The following PIEZO2 variants were observed in gnomAD, a reference collection of about 807,000 sequenced individuals.
PIEZO2 encodes piezo-type mechanosensitive ion channel component 2.
PIEZO2 carries 172 observed loss-of-function variants against 337.3 expected under a neutral mutation model. The observed-to-expected ratio is 0.51, with a 90% confidence interval of 0.45 to 0.58. The LOEUF (loss-of-function observed/expected upper bound fraction) is 0.58, where lower values mean the gene tolerates loss of function less well. Ranked by LOEUF, PIEZO2 falls within the 20% of genes least tolerant of loss-of-function variation. PIEZO2 has a pLI of 0.00. For missense variants in PIEZO2, 3,028 were observed against 3,391.3 expected (o/e 0.89, Z 2.66); for synonymous variants, 1,251 against 1,228.5 (o/e 1.02, Z -0.38).
intron 49 of PIEZO2, among the ~76,000 whole-genome samples, 159 bp downstream of exon 49, chr18:10,689,496 A>G (rs897577277): frequency 6.6e-6 from 1 of 152,224 alleles, no homozygotes; most frequent in African/African-American, 2.4e-5. Flanking sequence ...GTAAGTCTAA[A>G]TTCCCAACTC....
chr18:11,045,056 G>T (rs1285571329), intron 2 of PIEZO2, among the ~76,000 whole-genome samples: 3 of 151,890 alleles, frequency 2.0e-5, no homozygotes, highest in Admixed American at 2.0e-4. Context: ...AGCACTTTGG[G>T]AGGCCAAAGT....
rs957025691 is a variant in PIEZO2, at chr18:10,812,304, C to T, written c.918-5030G>A. 7.2e-5 allele frequency among the ~76,000 whole-genome samples: 11 copies of T among 152,212 alleles called. No homozygotes were observed. In the South Asian group the frequency reaches 2.3e-3, roughly 32 times the overall value. On this transcript the variant is annotated intron_variant, in intron 7 of 55. Coordinates refer to ENST00000674853, the MANE Select transcript of PIEZO2 (RefSeq NM_001378183.1). ...TTCATTCCATGCTTTGTTGTTCTCA[C>T]TTGTAAGTGGGAGTTAAACACTGAG...
intron 3 of PIEZO2, among the ~76,000 whole-genome samples, chr18:10,966,674 A>G (rs2034012200): frequency 6.6e-6 from 1 of 151,868 alleles, no homozygotes; most frequent in Non-Finnish European, 1.5e-5. Flanking sequence ...TGGTTACATG[A>G]ATAAGTTCTT....
In PIEZO2 at chr18:10,862,122, A is replaced by T. The variant is rs1598598483; in HGVS notation, c.493-4911T>A. Among the ~76,000 whole-genome samples, 1 of 152,190 alleles carries T rather than the reference A, an allele frequency of 6.6e-6. No homozygotes were observed. The highest frequency in any genetic ancestry group is 1.9e-4 in the East Asian group (1 of 5,202). ...AAATAATAAGTATTTGAGATGATGAATATGCTAATTAGCCTGATTTGCTCA... is the reference window on the plus strand; with the variant it reads ...AAATAATAAGTATTTGAGATGATGATTATGCTAATTAGCCTGATTTGCTCA... On this transcript the variant is annotated intron_variant, in intron 5 of 55. Coordinates refer to ENST00000674853, the MANE Select transcript of PIEZO2 (RefSeq NM_001378183.1). This position sits in a 1 kb window ranked among gnomAD's most constrained non-coding sequence, Gnocchi z 4.4.
chr18:10,690,324 G>C (rs562972036), intron 48 of PIEZO2, among the ~76,000 whole-genome samples: 1 of 152,160 alleles, frequency 6.6e-6, no homozygotes, highest in African/African-American at 2.4e-5. Flanking sequence ...TGGTTCAGTT[G>C]TGTTTCAGAA....
At chr18:10,938,485 T>C (rs1182635771) in intron 3 of PIEZO2, among the ~76,000 whole-genome samples, 1 of 152,220 alleles carries the variant, frequency 6.6e-6, no homozygotes, top group Non-Finnish European at 1.5e-5. Context: ...TCAGTCTCCT[T>C]AAGAGGCCTC....
chr18:10,891,320 TA>T (rs1054665783), intron 4 of PIEZO2, among the ~76,000 whole-genome samples: 3 of 151,174 alleles, frequency 2.0e-5, no homozygotes, highest in Admixed American at 6.6e-5. Flanking sequence ...GAGACTCTGT[TA>T]AAAAAAAATA....
chr18:10,696,587 C>A (rs1218165852), intron 45 of PIEZO2, 48 bp from the exon 46 acceptor site: 2 of 1,603,246 alleles, frequency 1.2e-6, no homozygotes, highest in Admixed American at 1.7e-5. Flanking sequence ...TCAGGAAGGG[C>A]AGGATGGCAG....
chr18:10,715,526 G>A (rs887670993), intron 38 of PIEZO2, 124 bp downstream of exon 38: 3 of 825,404 alleles, frequency 3.6e-6, no homozygotes, highest in African/African-American at 3.5e-5. Flanking sequence ...AAAAGCAAAG[G>A]GGTTATGCCA....
intron 40 of PIEZO2, among the ~76,000 whole-genome samples, chr18:10,706,426 T>G (rs941260456): frequency 4.6e-5 from 7 of 152,180 alleles, no homozygotes; most frequent in Non-Finnish European, 8.8e-5. Flanking sequence ...TCCCCTTCCC[T>G]GTGGGACTCC....
intron 1 of PIEZO2, among the ~76,000 whole-genome samples, chr18:11,103,883 T>A (rs1220026083): frequency 6.6e-6 from 1 of 151,888 alleles, no homozygotes; most frequent in Admixed American, 6.6e-5. Flanking sequence ...TGGAGTGCAG[T>A]GGAGCAATCT....
At chr18:10,955,501 C>T (rs969270391) in intron 3 of PIEZO2, among the ~76,000 whole-genome samples, 2 of 152,268 alleles carry the variant, frequency 1.3e-5, no homozygotes, top group Non-Finnish European at 1.5e-5. Flanking sequence ...CTTATTATAA[C>T]ATTTCAGTTC....
Position 11,109,401 on chromosome 18 carries a change from T to C in PIEZO2, c.64+39124A>G, listed in dbSNP as rs1296786237. On this transcript the variant is annotated intron_variant, in intron 1 of 55. Transcript: ENST00000674853. The surrounding 1 kb of genome is among the most constrained non-coding windows in gnomAD (Gnocchi z 5.1). ...GGGGTGGCAGGTGGGAGCTGGGGGG[T>C]GTAGCTCTGATTTCAGTATGGAATT... Among the ~76,000 whole-genome samples the C allele has an allele frequency of 6.6e-6, 1 of 151,332 alleles. No homozygotes were observed. Among genetic ancestry groups the C allele is most frequent in the East Asian group, 1.9e-4 (1 of 5,166 alleles).
At chr18:10,825,534 T>C (rs904615726) in intron 7 of PIEZO2, among the ~76,000 whole-genome samples, 1 of 147,150 alleles carries the variant, frequency 6.8e-6, no homozygotes, top group African/African-American at 2.6e-5. Flanking sequence ...TTTTTTCCAC[T>C]TTCTTTCCTT....
chr18:10,925,814 C>T (rs1406756406), intron 3 of PIEZO2, among the ~76,000 whole-genome samples: 1 of 152,128 alleles, frequency 6.6e-6, no homozygotes, highest in East Asian at 1.9e-4. Flanking sequence ...GTGATCTGCC[C>T]GCCTCAGCCT....
intron 42 of PIEZO2, 119 bp downstream of exon 42, chr18:10,704,275 A>T: frequency 7.7e-7 from 1 of 1,305,600 alleles, no homozygotes; most frequent in Non-Finnish European, 1.0e-6. Flanking sequence ...TGCATGTTCC[A>T]TGTGAAACTG....
intron 9 of PIEZO2, 117 bp from the exon 10 acceptor site, chr18:10,801,545 A>G: frequency 1.1e-6 from 1 of 882,740 alleles, no homozygotes; most frequent in Non-Finnish European, 1.7e-6. Context: ...GCTGATTGCT[A>G]GTATATTAAT....
rs190644731 is a variant in PIEZO2 at position 10,863,611 on chromosome 18, G to A, written c.493-6400C>T. ...AAAACTAGTCCAATTCCTACCACATGTACTCCCCTACCCCTAGGATTCTGA... is the reference window on the plus strand; with the variant it reads ...AAAACTAGTCCAATTCCTACCACATATACTCCCCTACCCCTAGGATTCTGA... On this transcript the variant is annotated intron_variant, in intron 5 of 55. Coordinates refer to ENST00000674853, the MANE Select transcript of PIEZO2 (RefSeq NM_001378183.1). The surrounding 1 kb of genome is among the most constrained non-coding windows in gnomAD (Gnocchi z 4.3). Among the ~76,000 whole-genome samples, 2,389 of 152,162 alleles carry A rather than the reference G, an allele frequency of 0.016. 29 individuals are homozygous for A. The highest frequency in any genetic ancestry group is 0.04 in the Admixed American group (605 of 15,284).
intron 49 of PIEZO2, among the ~76,000 whole-genome samples, 170 bp downstream of exon 49, chr18:10,689,485 A>G (rs1158598175): frequency 6.6e-6 from 1 of 152,256 alleles, no homozygotes; most frequent in African/African-American, 2.4e-5. Context: ...CTATGACGGC[A>G]GTAAGTCTAA....
Sources: allele counts gnomAD v4.1 joint callset (sites outside exome capture counted in the v4.1 genomes callset), GRCh38; gene constraint gnomAD v4.1.1; non-coding constraint Gnocchi (gnomAD v3.1); transcripts MANE v1.5; gene names NCBI Gene and HGNC (gene_info 2026-07-23, HGNC 2026-07-21).